SLC7A5: variants seen among roughly 807,000 people sequenced by gnomAD.
SLC7A5 encodes the protein solute carrier family 7 member 5.
A neutral mutation model predicts 50.2 loss-of-function variants in SLC7A5; 23 were observed. The ratio of observed to expected loss-of-function variants is 0.46; its 90% confidence interval spans 0.33 to 0.65. SLC7A5 has a LOEUF of 0.65. Among genes scored for constraint, SLC7A5 ranks in the 30% least tolerant of loss-of-function variants. The pLI is 0.02. For synonymous variants in SLC7A5, 393 were observed against 330.6 expected (o/e 1.19, Z -2.05); for missense variants, 578 against 684.4 (o/e 0.84, Z 1.73).
At chr16:87,836,275 T>C (rs2055002004) in intron 8 of SLC7A5, among the ~76,000 whole-genome samples, 1 of 152,256 alleles carries the variant, frequency 6.6e-6, no homozygotes. Flanking sequence ...ACAAGCTCTG[T>C]GCCATCTGCT....
At chr16:87,851,637 C>T in intron 2 of SLC7A5, 87 bp downstream of exon 2, 1 of 1,514,088 alleles carries the variant, frequency 6.6e-7, no homozygotes, top group Non-Finnish European at 9.0e-7. Context: ...GACTGGGAGG[C>T]ACCCGGGGAC....
Position 87,861,573 on chromosome 16 carries a change from G to A in SLC7A5, c.538+7312C>T, listed in dbSNP as rs915805633. Among the ~76,000 whole-genome samples the A allele has an allele frequency of 3.9e-5, 6 of 152,042 alleles. No individual in the cohort carries two copies. The highest frequency in any genetic ancestry group is 8.8e-5 in the Non-Finnish European group (6 of 67,988). ...CTGGAGTGCAAAGTGGTGGCCAAGAGGTGGCCAAGAGGTGCCAAGAGGTGG... is the reference window on the plus strand; with the variant it reads ...CTGGAGTGCAAAGTGGTGGCCAAGAAGTGGCCAAGAGGTGCCAAGAGGTGG... On this transcript the variant is annotated intron_variant, in intron 1 of 9. Coordinates refer to ENST00000261622, the MANE Select transcript of SLC7A5 (RefSeq NM_003486.7). The surrounding 1 kb of genome is among the most constrained non-coding windows in gnomAD (Gnocchi z 4.2).
At position 87,852,329 on chromosome 16, in the gene SLC7A5, T is replaced by C. The variant is rs896269804; in HGVS notation, c.539-480A>G. Among the ~76,000 whole-genome samples, 2 of 152,152 alleles carry C rather than the reference T, an allele frequency of 1.3e-5. No individual in the cohort carries two copies. Among genetic ancestry groups the C allele is most frequent in the Non-Finnish European group, 2.9e-5 (2 of 68,022 alleles). On this transcript the variant is annotated intron_variant, in intron 1 of 9. Coordinates refer to ENST00000261622, the MANE Select transcript of SLC7A5 (RefSeq NM_003486.7). The surrounding 1 kb of genome is among the most constrained non-coding windows in gnomAD (Gnocchi z 4.5). ...GGCCCTTTCCTCAAAGAGGATCTTC[T>C]GTGGATTCCAACAGAAGTGGGGTGT...
intron 1 of SLC7A5, among the ~76,000 whole-genome samples, chr16:87,864,000 T>TATATATATATATATATATATATAC (rs2055431104): frequency 7.1e-6 from 1 of 139,990 alleles, no homozygotes. Context: ...TATATATATA[T>TATATATATATATATATATATATAC]ATATATATCA....
intron 2 of SLC7A5, among the ~76,000 whole-genome samples, chr16:87,845,722 G>T (rs972146203): frequency 3.9e-5 from 6 of 152,150 alleles, no homozygotes; most frequent in African/African-American, 1.4e-4. Context: ...ATGAAGGAGT[G>T]GGCCCTTTGC....
chr16:87,848,525 TCATGTGACACCTAAGCCTGCGTGTCCC>T (rs1274273723), intron 2 of SLC7A5, among the ~76,000 whole-genome samples: 3 of 152,128 alleles, frequency 2.0e-5, no homozygotes, highest in Non-Finnish European at 4.4e-5. Flanking sequence ...CTGTAGAACC[TCATGTGACACCTAAGCCTGCGTGTCCC>T]CATGCCCCAG....
intron 1 of SLC7A5, among the ~76,000 whole-genome samples, chr16:87,867,308 C>A (rs1323561478): frequency 6.6e-6 from 1 of 152,182 alleles, no homozygotes; most frequent in Admixed American, 6.5e-5. Context: ...TGTACCTAGG[C>A]GGGAGGGAGA....
At position 87,851,740 on chromosome 16, in the gene SLC7A5, G is replaced by A. The variant is rs745656437; in HGVS notation, c.648C>T (p.Phe216=). The A allele has an allele frequency of 5.0e-6, 8 of 1,613,054 alleles. No individual in the cohort carries two copies. Among genetic ancestry groups the A allele is most frequent in the East Asian group, 2.2e-5 (1 of 44,876 alleles). Residue 216 remains phenylalanine (F), a synonymous_variant, in exon 2 of 10, where the codon TTC becomes TTT. Transcript: ENST00000261622. The part of the protein sequence containing the change: ...LALALIILLG[F]VQIGKGDVSN... ...CGTACTCACCCTTCCCGATCTGGACGAAGCCCAGCAGGATGATCAGGGCCA... is the reference window on the plus strand; with the variant it reads ...CGTACTCACCCTTCCCGATCTGGACAAAGCCCAGCAGGATGATCAGGGCCA...
At chr16:87,858,319 G>A (rs1030938855) in intron 1 of SLC7A5, among the ~76,000 whole-genome samples, 3 of 152,086 alleles carry the variant, frequency 2.0e-5, no homozygotes, top group African/African-American at 4.8e-5. Flanking sequence ...ACCAGTCACC[G>A]CAGCATGAGT....
rs566912060 is a variant in SLC7A5, at chr16:87,837,585, G to A, written c.1140+260C>T. On this transcript the variant is annotated intron_variant, in intron 7 of 9. Coordinates refer to ENST00000261622, the MANE Select transcript of SLC7A5 (RefSeq NM_003486.7). ...TGCAGTGAGCCAGGCGGCTGGCAGA[G>A]CAGCACCCCGGGTCAGCTTCTGCCT... is the stretch of plus-strand genomic sequence containing the variant. 2.4e-4 allele frequency: 118 copies of A among 492,892 alleles called. 2 individuals are homozygous for A. Among genetic ancestry groups the A allele is most frequent in the Middle Eastern group, 1.1e-3 (2 of 1,780 alleles). The allele number at this position is 492,892 out of a possible 1,614,324, so 30.5% of individuals were successfully genotyped here.
chr16:87,842,544 G>A (rs1338681739), intron 2 of SLC7A5, among the ~76,000 whole-genome samples: 1 of 152,246 alleles, frequency 6.6e-6, no homozygotes, highest in East Asian at 1.9e-4. Context: ...CCTGATGGGT[G>A]GACCCAGTTC....
At chr16:87,838,345 G>A (rs1378384355) in intron 6 of SLC7A5, among the ~76,000 whole-genome samples, 1 of 145,724 alleles carries the variant, frequency 6.9e-6, no homozygotes, top group African/African-American at 2.6e-5. Context: ...AGGCTGGAGT[G>A]CAGTGGCACC....
rs17853937 is a variant in SLC7A5, at chr16:87,841,152, T to A, written c.668A>T (p.Asp223Val). The change falls in exon 3 of 10, where the codon GAT becomes GTT. Residue 223 changes from aspartate (D) to valine (V), a missense_variant. By Grantham distance (152) the Asp-to-Val change is radical. Transcript: ENST00000261622. This position sits in a 1 kb window ranked among gnomAD's most constrained non-coding sequence, Gnocchi z 4.8. The part of the protein sequence containing the change: ...LLGFVQIGKG[D>V]VSNLDPNFSF... The stretch of plus-strand genomic sequence containing the variant: ...GAAGTTGGGATCTAGATTGGACACA[T>A]CACCTGGCAGGGCCAAAGAAAGGAA... The A allele has an allele frequency of 1.5e-3, 2,378 of 1,606,832 alleles. 22 individuals are homozygous for A. The African/African-American group carries it at 0.029, about 20-fold the overall frequency.
intron 5 of SLC7A5, among the ~76,000 whole-genome samples, chr16:87,839,186 C>G (rs1185871575): frequency 6.6e-6 from 1 of 152,214 alleles, no homozygotes; most frequent in Non-Finnish European, 1.5e-5. Context: ...CAGTAGGAAG[C>G]TGGCCAGAGC....
In SLC7A5 at chr16:87,853,088, A is replaced by C. The variant is rs774268674; in HGVS notation, c.539-1239T>G. On this transcript the variant is annotated intron_variant, in intron 1 of 9. Transcript: ENST00000261622. This position sits in a 1 kb window ranked among gnomAD's most constrained non-coding sequence, Gnocchi z 4.4. ...GACTGCAGGAAGGTGAGAGCATCAG[A>C]AAGGCCGTGGGCTCCTCTTCTCTCT... is the stretch of plus-strand genomic sequence containing the variant. Among the ~76,000 whole-genome samples, 1 of 152,018 alleles carries C rather than the reference A, an allele frequency of 6.6e-6. No homozygotes were observed. Among genetic ancestry groups the C allele is most frequent in the African/African-American group, 2.4e-5 (1 of 41,264 alleles).
intron 1 of SLC7A5, among the ~76,000 whole-genome samples, chr16:87,855,215 G>C (rs563121977): frequency 6.6e-6 from 1 of 152,196 alleles, no homozygotes; most frequent in Non-Finnish European, 1.5e-5. Context: ...CTGCTGCTCA[G>C]AGCTGGGGCG....
At position 87,867,201 on chromosome 16, in the gene SLC7A5, T is replaced by A. The variant is rs2055473411; in HGVS notation, c.538+1684A>T. 2.0e-5 allele frequency among the ~76,000 whole-genome samples: 3 copies of A among 152,244 alleles called. No homozygotes were observed. In the South Asian group the frequency reaches 6.2e-4, roughly 31 times the overall value. ...TCCCAAAGTGCTGGGATTATAGGCG[T>A]GGGCCATCACACCCAGCCAACCAGG... On this transcript the variant is annotated intron_variant, in intron 1 of 9. Transcript: ENST00000261622.
chr16:87,837,150 G>A (rs1311515238), intron 7 of SLC7A5, among the ~76,000 whole-genome samples: 3 of 152,230 alleles, frequency 2.0e-5, no homozygotes, highest in African/African-American at 4.8e-5. Context: ...AGTAAGCAAG[G>A]GCCAGGACCT....
chr16:87,838,918 T>TGCTCACAAGAGCCCTCTGC (rs2055047238), intron 5 of SLC7A5, 101 bp from the exon 6 acceptor site: 14 of 858,312 alleles, frequency 1.6e-5, no homozygotes, highest in Non-Finnish European at 2.8e-5. Context: ...TCGCCCTCTG[T>TGCTCACAAGAGCCCTCTGC]GCTCACAAGA....
Sources: allele counts gnomAD v4.1 joint callset (sites outside exome capture counted in the v4.1 genomes callset), GRCh38; gene constraint gnomAD v4.1.1; non-coding constraint Gnocchi (gnomAD v3.1); transcripts MANE v1.5; gene names NCBI Gene and HGNC (gene_info 2026-07-23, HGNC 2026-07-21).